CCSER1: variants seen among roughly 807,000 people sequenced by gnomAD.
CCSER1 encodes coiled-coil serine rich protein 1, also known as serine-rich coiled-coil domain-containing protein 1.
Under a neutral mutation model 82.0 loss-of-function variants are expected in CCSER1, and 41 were observed. That is an observed-to-expected ratio of 0.50 (90% CI 0.39 to 0.65). The LOEUF (loss-of-function observed/expected upper bound fraction) is 0.65. Ranked by LOEUF, CCSER1 falls within the 30% of genes least tolerant of loss-of-function variation. CCSER1 has a pLI of 0.00. For missense variants in CCSER1, 1,119 were observed against 1,064.2 expected, an observed-to-expected ratio of 1.05 and a Z score of -0.72; for synonymous variants, 414 against 383.9, an observed-to-expected ratio of 1.08 and a Z score of -0.92.
intron 9 of CCSER1, among the ~76,000 whole-genome samples, chr4:91,012,996 A>G (rs980609376): frequency 7.5e-6 from 1 of 133,976 alleles, no homozygotes; most frequent in Non-Finnish European, 1.7e-5. Flanking sequence ...GTTTTATTTT[A>G]TTTTATACAT....
chr4:91,273,832 A>G (rs1742222469), intron 10 of CCSER1, among the ~76,000 whole-genome samples: 1 of 152,176 alleles, frequency 6.6e-6, no homozygotes, highest in African/African-American at 2.4e-5. Flanking sequence ...GATTTTGTTG[A>G]ATGCCTTGTC....
intron 8 of CCSER1, among the ~76,000 whole-genome samples, chr4:90,917,004 G>A (rs1287672883): frequency 6.6e-6 from 1 of 152,152 alleles, no homozygotes; most frequent in East Asian, 1.9e-4. Flanking sequence ...TCATTAAAAA[G>A]TCAGGAAACA....
intron 10 of CCSER1, among the ~76,000 whole-genome samples, chr4:91,388,499 A>G (rs1000544496): frequency 1.3e-5 from 2 of 152,086 alleles, no homozygotes; most frequent in Non-Finnish European, 2.9e-5. Context: ...CAAAGTGGCT[A>G]TATAATTTTA....
At chr4:91,068,334 T>C (rs1165546646) in intron 9 of CCSER1, among the ~76,000 whole-genome samples, 1 of 152,206 alleles carries the variant, frequency 6.6e-6, no homozygotes, top group African/African-American at 2.4e-5. Context: ...CACTGATCTG[T>C]CAAAATTATG....
At chr4:90,708,261 T>C (rs927703539) in intron 6 of CCSER1, among the ~76,000 whole-genome samples, 1 of 152,174 alleles carries the variant, frequency 6.6e-6, no homozygotes, top group African/African-American at 2.4e-5. Flanking sequence ...GGTTAAACCT[T>C]CTTATGATCT....
At chr4:90,696,655 C>T (rs1001903294) in intron 6 of CCSER1, among the ~76,000 whole-genome samples, 1 of 152,102 alleles carries the variant, frequency 6.6e-6, no homozygotes, top group Non-Finnish European at 1.5e-5. Flanking sequence ...GCTTGATAAT[C>T]ATTAAAACCT....
intron 8 of CCSER1, among the ~76,000 whole-genome samples, chr4:90,852,884 C>A (rs1459830141): frequency 1.3e-5 from 2 of 152,070 alleles, no homozygotes; most frequent in Non-Finnish European, 2.9e-5. Context: ...GCGATTTATA[C>A]TTATGGTTCA....
intron 10 of CCSER1, among the ~76,000 whole-genome samples, chr4:91,443,979 G>A (rs566296311): frequency 6.6e-6 from 1 of 151,972 alleles, no homozygotes; most frequent in African/African-American, 2.4e-5. Flanking sequence ...TATATGTCCT[G>A]GCTTCAGAAT....
At chr4:90,617,134 A>G (rs1347970793) in intron 5 of CCSER1, among the ~76,000 whole-genome samples, 1 of 152,196 alleles carries the variant, frequency 6.6e-6, no homozygotes, top group African/African-American at 2.4e-5. Context: ...TTTCAGACAT[A>G]TGTTTCATAT....
chr4:90,861,028 A>G (rs1020512644), intron 8 of CCSER1, among the ~76,000 whole-genome samples: 3 of 151,692 alleles, frequency 2.0e-5, no homozygotes, highest in African/African-American at 7.2e-5. Flanking sequence ...TTATAACTCG[A>G]TAAAACAATT....
At chr4:90,521,092 G>T (rs923896999) in intron 5 of CCSER1, among the ~76,000 whole-genome samples, 1 of 152,024 alleles carries the variant, frequency 6.6e-6, no homozygotes, top group Non-Finnish European at 1.5e-5. Context: ...TTAAATTGAG[G>T]TTGAAAAATA....
chr4:91,587,382 A>AT (rs1764051434), intron 10 of CCSER1, among the ~76,000 whole-genome samples: 1 of 151,738 alleles, frequency 6.6e-6, no homozygotes, highest in South Asian at 2.1e-4. Context: ...ATCCAGATCT[A>AT]TCCTAAGCCA....
At chr4:91,306,389 T>C (rs545830327) in intron 10 of CCSER1, among the ~76,000 whole-genome samples, 1 of 152,034 alleles carries the variant, frequency 6.6e-6, no homozygotes, top group African/African-American at 2.4e-5. Context: ...CTGAAAAAAA[T>C]ATAAAGAATT....
intron 10 of CCSER1, among the ~76,000 whole-genome samples, chr4:91,091,825 T>G (rs1057495647): frequency 6.6e-6 from 1 of 152,104 alleles, no homozygotes; most frequent in Non-Finnish European, 1.5e-5. Flanking sequence ...CAGTCCTTGA[T>G]CCACACACGG....
At chr4:90,434,388 G>C (rs768470035) in intron 4 of CCSER1, among the ~76,000 whole-genome samples, 7 of 152,030 alleles carry the variant, frequency 4.6e-5, no homozygotes, top group Non-Finnish European at 8.8e-5. Flanking sequence ...TTTTCTACCT[G>C]TATGTATTCT....
intron 1 of CCSER1, among the ~76,000 whole-genome samples, chr4:90,201,026 C>T (rs1174566019): frequency 6.6e-6 from 1 of 151,958 alleles, no homozygotes; most frequent in East Asian, 1.9e-4. Flanking sequence ...AAATAGAGTC[C>T]ATAATGTCTT....
intron 8 of CCSER1, among the ~76,000 whole-genome samples, chr4:90,874,817 G>A (rs908944856): frequency 6.6e-6 from 1 of 152,096 alleles, no homozygotes; most frequent in African/African-American, 2.4e-5. Context: ...GGAGGCTAAG[G>A]CAGGCGGATC....
At chr4:90,183,347 A>G (rs530705609) in intron 1 of CCSER1, among the ~76,000 whole-genome samples, 1 of 152,202 alleles carries the variant, frequency 6.6e-6, no homozygotes, top group African/African-American at 2.4e-5. Context: ...CCTTACTACC[A>G]GTGAAACCTG....
chr4:90,409,986 C>A (rs1174016712), intron 4 of CCSER1, among the ~76,000 whole-genome samples: 1 of 152,082 alleles, frequency 6.6e-6, no homozygotes, highest in Non-Finnish European at 1.5e-5. Context: ...CAATCCTAGT[C>A]TCGGATAAAA....
Sources: allele counts gnomAD v4.1 joint callset (sites outside exome capture counted in the v4.1 genomes callset), GRCh38; gene constraint gnomAD v4.1.1; transcripts MANE v1.5; gene names NCBI Gene and HGNC (gene_info 2026-07-23, HGNC 2026-07-21).